The following DLG2 variants were observed in gnomAD, a reference collection of about 807,000 sequenced individuals.
DLG2 encodes the protein disks large homolog 2.
Under a neutral mutation model 132.5 loss-of-function variants are expected in DLG2, and 45 were observed. That is an observed-to-expected ratio of 0.34 (90% confidence interval 0.27 to 0.44). The LOEUF is 0.44. Among genes scored for constraint, DLG2 ranks in the 20% least tolerant of loss-of-function variants. The probability of loss-of-function intolerance (pLI) is 1.00; values close to 1 mark genes in which losing one functional copy is unlikely to be tolerated. For missense variants in DLG2, 1,045 were observed against 1,196.9 expected (o/e 0.87, Z 1.87); for synonymous variants, 424 against 419.6 (o/e 1.01, Z -0.13).
At chr11:85,330,436 A>G (rs2081614792) in intron 3 of DLG2, among the ~76,000 whole-genome samples, 1 of 26,098 alleles carries the variant, frequency 3.8e-5, no homozygotes, top group African/African-American at 1.4e-4. Context: ...ACCATGGAAT[A>G]CTATGCAGCC....
intron 5 of DLG2, among the ~76,000 whole-genome samples, chr11:85,126,567 T>C (rs990167491): frequency 1.3e-5 from 2 of 152,190 alleles, no homozygotes; most frequent in Admixed American, 1.3e-4. Flanking sequence ...TTCCCTACTA[T>C]TAGCTGTATT....
chr11:84,424,303 C>T (rs1020321509), intron 7 of DLG2, among the ~76,000 whole-genome samples: 2 of 152,040 alleles, frequency 1.3e-5, no homozygotes, highest in Admixed American at 1.3e-4. Flanking sequence ...CATGTGATTA[C>T]AAAGTTGTTC....
intron 17 of DLG2, among the ~76,000 whole-genome samples, chr11:83,801,170 G>T (rs1169792134): frequency 6.6e-6 from 1 of 151,928 alleles, no homozygotes; most frequent in Non-Finnish European, 1.5e-5. Context: ...CAATCCCTTA[G>T]TTCATAGCCA....
intron 19 of DLG2, among the ~76,000 whole-genome samples, chr11:83,562,630 A>C (rs1236125216): frequency 6.6e-6 from 1 of 152,256 alleles, no homozygotes; most frequent in Non-Finnish European, 1.5e-5. Flanking sequence ...TTATTATGCC[A>C]ATAGAATTTA....
At chr11:83,816,128 A>G (rs987564752) in intron 17 of DLG2, among the ~76,000 whole-genome samples, 1 of 152,160 alleles carries the variant, frequency 6.6e-6, no homozygotes, top group Non-Finnish European at 1.5e-5. Flanking sequence ...CTTTATAAAA[A>G]TGCAGCAACT....
intron 14 of DLG2, among the ~76,000 whole-genome samples, chr11:83,933,868 C>A (rs1000578853): frequency 2.0e-5 from 3 of 152,124 alleles, no homozygotes; most frequent in Non-Finnish European, 4.4e-5. Context: ...TTGGATTCTC[C>A]TATGGAAGGT....
At chr11:84,293,123 A>T (rs963910122) in intron 7 of DLG2, among the ~76,000 whole-genome samples, 6 of 151,824 alleles carry the variant, frequency 4.0e-5, no homozygotes, top group African/African-American at 1.5e-4. Context: ...GCAGAATGAC[A>T]AGGCAGTGTG....
chr11:83,774,232 A>G (rs1482890248), intron 18 of DLG2, among the ~76,000 whole-genome samples: 5 of 152,140 alleles, frequency 3.3e-5, no homozygotes, highest in Admixed American at 1.3e-4. Flanking sequence ...CAGTCTCCCA[A>G]GGGTTTTCTC....
At chr11:83,992,703 T>C (rs1470155805) in intron 11 of DLG2, among the ~76,000 whole-genome samples, 1 of 152,008 alleles carries the variant, frequency 6.6e-6, no homozygotes, top group East Asian at 1.9e-4. Flanking sequence ...TATCCAAGTA[T>C]CCAATAAGTG....
intron 6 of DLG2, among the ~76,000 whole-genome samples, chr11:84,860,088 T>C (rs1397899812): frequency 6.6e-6 from 1 of 152,146 alleles, no homozygotes; most frequent in African/African-American, 2.4e-5. Flanking sequence ...TCTAGCACAA[T>C]GTTTTACGTA....
intron 3 of DLG2, chr11:85,285,967 TA>T (rs370848971): frequency 0.011 from 3,449 of 302,846 alleles, no homozygotes; most frequent in South Asian, 0.019. Context: ...GTAGGCAAAT[TA>T]AAAAAAAAAT....
At chr11:83,885,438 T>C (rs1310980806) in intron 15 of DLG2, among the ~76,000 whole-genome samples, 1 of 152,146 alleles carries the variant, frequency 6.6e-6, no homozygotes, top group African/African-American at 2.4e-5. Flanking sequence ...CCAAGAAATA[T>C]GGGACTATGT....
intron 17 of DLG2, among the ~76,000 whole-genome samples, chr11:83,798,829 A>G: frequency 6.6e-6 from 1 of 152,314 alleles, no homozygotes; most frequent in East Asian, 1.9e-4. Context: ...CAAGAGGGAA[A>G]AAAATCTATT....
At chr11:85,537,517 A>AATGAATTGTTATG (rs1243570053) in intron 3 of DLG2, among the ~76,000 whole-genome samples, 1 of 150,834 alleles carries the variant, frequency 6.6e-6, no homozygotes, top group African/African-American at 2.5e-5. Context: ...GGGATGAACA[A>AATGAATTGTTATG]CTCCAGACGG....
At chr11:84,932,990 G>A (rs1370327212) in intron 6 of DLG2, among the ~76,000 whole-genome samples, 3 of 152,108 alleles carry the variant, frequency 2.0e-5, no homozygotes, top group Admixed American at 6.5e-5. Context: ...CAGTGTAAAC[G>A]CATTCCTATT....
At chr11:83,759,997 T>G (rs887672625) in intron 18 of DLG2, among the ~76,000 whole-genome samples, 9 of 152,288 alleles carry the variant, frequency 5.9e-5, no homozygotes, top group African/African-American at 2.2e-4. Context: ...ATATGGTTTG[T>G]GATATTTAGA....
intron 6 of DLG2, among the ~76,000 whole-genome samples, chr11:84,929,860 T>C (rs1333993105): frequency 3.3e-5 from 5 of 152,106 alleles, no homozygotes; most frequent in Non-Finnish European, 7.4e-5. Context: ...ACGCACAGCC[T>C]GAGAGTAAAT....
At chr11:83,691,474 T>C (rs11233719) in intron 18 of DLG2, among the ~76,000 whole-genome samples, 28,119 of 152,156 alleles carry the variant, frequency 0.18, 2,772 homozygotes, top group South Asian at 0.24. Context: ...ACTTGGCCCC[T>C]GCGTATGAGG....
At chr11:83,600,668 G>A (rs762658547) in intron 19 of DLG2, among the ~76,000 whole-genome samples, 2 of 152,178 alleles carry the variant, frequency 1.3e-5, no homozygotes, top group Non-Finnish European at 2.9e-5. Flanking sequence ...GTGCATTACT[G>A]CCCACACACC....
Sources: allele counts gnomAD v4.1 joint callset (sites outside exome capture counted in the v4.1 genomes callset), GRCh38; gene constraint gnomAD v4.1.1; transcripts MANE v1.5; gene names NCBI Gene and HGNC (gene_info 2026-07-23, HGNC 2026-07-21).